POC1B: variants seen among roughly 807,000 people sequenced by gnomAD.
POC1B encodes the protein POC1 centriolar protein B.
In POC1B, 44 loss-of-function variants were observed where a neutral mutation model predicts 60.6. That is an observed-to-expected ratio of 0.73 (90% CI 0.57 to 0.93). The LOEUF is 0.93. POC1B is among the 40% of genes least tolerant of loss of function. POC1B has a pLI of 0.00. For missense variants in POC1B, 555 were observed against 572.3 expected (o/e 0.97, Z 0.31); for synonymous variants, 180 against 198.9 (o/e 0.90, Z 0.80).
intron 10 of POC1B, among the ~76,000 whole-genome samples, chr12:89,443,788 C>A (rs1454349149): frequency 1.3e-5 from 2 of 151,922 alleles, no homozygotes; most frequent in Non-Finnish European, 2.9e-5. Flanking sequence ...ACACAAAAAA[C>A]CCTTCAAAAA....
chr12:89,476,433 G>A (rs139995290), intron 4 of POC1B, among the ~76,000 whole-genome samples: 22 of 152,190 alleles, frequency 1.4e-4, no homozygotes, highest in African/African-American at 4.8e-4. Flanking sequence ...ATAAGGCCAC[G>A]TGTGGTGGCT....
At chr12:89,414,109 T>C in the POC1B span, among the ~76,000 whole-genome samples, 1 of 152,122 alleles carries the variant, frequency 6.6e-6, no homozygotes, top group African/African-American at 2.4e-5. Flanking sequence ...GCCATGCTGG[T>C]CTTGAACTCC....
chr12:89,485,471 C>A (rs1329277186), intron 4 of POC1B: 1 of 152,208 alleles, frequency 6.6e-6, no homozygotes, highest in Non-Finnish European at 1.5e-5. Flanking sequence ...CCAACTTATT[C>A]ATCAAAGAAC....
chr12:89,524,564 C>G (rs762999008), intron 2 of POC1B: 1 of 1,610,200 alleles, frequency 6.2e-7, no homozygotes, highest in Non-Finnish European at 8.5e-7. Flanking sequence ...ATTCTCAGGG[C>G]TGAGGCGCAG....
intron 4 of POC1B, among the ~76,000 whole-genome samples, chr12:89,474,581 TC>T (rs1883034155): frequency 6.6e-6 from 1 of 152,174 alleles, no homozygotes; most frequent in Admixed American, 6.5e-5. Flanking sequence ...ACTGCTTGTC[TC>T]AATTTACAGT....
rs147997290 is a variant in POC1B, at chr12:89,477,768, G to A, written c.453-5493C>T. ...GGTCATCTTTCTGCTTAAAACCTTC[G>A]GTGGTTTCACGTTTCCTTTGGGGAG... On this transcript the variant is annotated intron_variant, in intron 4 of 11. Transcript: ENST00000313546. Among the ~76,000 whole-genome samples, 207 of 152,076 alleles carry A rather than the reference G, an allele frequency of 1.4e-3. 1 individual carries two copies. Among genetic ancestry groups the A allele is most frequent in the African/African-American group, 4.7e-3 (193 of 41,484 alleles).
chr12:89,475,043 A>G (rs1208799490), intron 4 of POC1B, among the ~76,000 whole-genome samples: 1 of 152,200 alleles, frequency 6.6e-6, no homozygotes, highest in Non-Finnish European at 1.5e-5. Flanking sequence ...GAGACTGGCA[A>G]GATCCCTGCC....
chr12:89,465,610 A>C (rs1013713941), intron 9 of POC1B, among the ~76,000 whole-genome samples: 4 of 152,236 alleles, frequency 2.6e-5, no homozygotes, highest in Admixed American at 2.6e-4. Flanking sequence ...AGAAGCAAAA[A>C]ATGGGAAAAC....
At chr12:89,451,712 C>A (rs900571132) in intron 10 of POC1B, among the ~76,000 whole-genome samples, 2 of 152,150 alleles carry the variant, frequency 1.3e-5, no homozygotes, top group Non-Finnish European at 2.9e-5. Flanking sequence ...GCAGGAAGAA[C>A]TGACTGAAAA....
intron 11 of POC1B, among the ~76,000 whole-genome samples, chr12:89,422,459 C>T (rs1565890461): frequency 1.3e-5 from 2 of 152,220 alleles, no homozygotes; most frequent in African/African-American, 2.4e-5. Context: ...TCAGAAACTG[C>T]ACACTCAGGG....
Position 89,525,954 on chromosome 12 carries a change from G to A in POC1B, c.-59C>T, listed in dbSNP as rs753296340. The stretch of plus-strand genomic sequence containing the variant: ...GGGGGAACCCGGAGAGGGGAGGGGA[G>A]AGGATGGGGAAGGAGAGGGGACCGT... On this transcript the variant is annotated 5_prime_UTR_variant, in exon 1 of 12. Coordinates refer to ENST00000313546, the MANE Select transcript of POC1B (RefSeq NM_172240.3). 23 of 1,542,272 alleles carry A rather than the reference G, an allele frequency of 1.5e-5. No homozygotes were observed. The highest frequency in any genetic ancestry group is 2.0e-5 in the Admixed American group (1 of 50,148).
chr12:89,466,127 C>G (rs1882674823), intron 9 of POC1B, among the ~76,000 whole-genome samples: 1 of 152,162 alleles, frequency 6.6e-6, no homozygotes, highest in Non-Finnish European at 1.5e-5. Context: ...AGAGAAACAG[C>G]TGAAGAAGAA....
rs151223259 is a variant in POC1B at position 89,468,596 on chromosome 12, G to A, written c.811-911C>T. On this transcript the variant is annotated intron_variant, in intron 7 of 11. Coordinates refer to ENST00000313546, the MANE Select transcript of POC1B (RefSeq NM_172240.3). Reference sequence around the variant, plus strand: ...CATCTTCATGTAGTGTTTTCCTACTGAAAGACTGTGTTTATCTTTTTTCCC... The same window carrying A: ...CATCTTCATGTAGTGTTTTCCTACTAAAAGACTGTGTTTATCTTTTTTCCC... 3.6e-3 allele frequency among the ~76,000 whole-genome samples: 554 copies of A among 152,192 alleles called. 2 individuals carry two copies. The highest frequency in any genetic ancestry group is 0.02 in the South Asian group (95 of 4,826).
chr12:89,525,837 CA>C, intron 1 of POC1B, 43 bp downstream of exon 1: 1 of 1,404,482 alleles, frequency 7.1e-7, no homozygotes, highest in Non-Finnish European at 9.3e-7. Context: ...GCCCGCGGGA[CA>C]GGCTCCAGGG....
At chr12:89,461,177 G>C (rs1882470019) in intron 9 of POC1B, 1 of 152,042 alleles carries the variant, frequency 6.6e-6, no homozygotes, top group Admixed American at 6.6e-5. Context: ...TTTTAAGACA[G>C]TTTACGAATT....
At chr12:89,508,327 G>A (rs1445221021) in intron 2 of POC1B, among the ~76,000 whole-genome samples, 2 of 152,142 alleles carry the variant, frequency 1.3e-5, no homozygotes, top group African/African-American at 4.8e-5. Context: ...TAAGCTTACA[G>A]AAAAATTACA....
At chr12:89,507,263 T>C (rs1869946285) in intron 2 of POC1B, among the ~76,000 whole-genome samples, 1 of 55,072 alleles carries the variant, frequency 1.8e-5, no homozygotes, top group African/African-American at 6.4e-5. Flanking sequence ...CAAGGCCCTG[T>C]CTCAAAAAAA....
the POC1B span, among the ~76,000 whole-genome samples, chr12:89,405,996 T>G: frequency 1.3e-5 from 2 of 150,760 alleles, no homozygotes; most frequent in Non-Finnish European, 3.0e-5. Context: ...GTGTTTTTTT[T>G]TTTTTTTTGG....
rs61168814 is a variant in POC1B, at chr12:89,486,956, A to T, written c.452+4980T>A. On this transcript the variant is annotated intron_variant, in intron 4 of 11. Coordinates refer to ENST00000313546, the MANE Select transcript of POC1B (RefSeq NM_172240.3). ...ACAGACACACATACACACACTCTCTATAATACTTTCAGGTATGGCTGTATC... is the reference window on the plus strand; with the variant it reads ...ACAGACACACATACACACACTCTCTTTAATACTTTCAGGTATGGCTGTATC... 6.8e-3 allele frequency among the ~76,000 whole-genome samples: 1,027 copies of T among 152,054 alleles called. 12 individuals are homozygous for T. The highest frequency in any genetic ancestry group is 0.024 in the African/African-American group (992 of 41,488).
Sources: allele counts gnomAD v4.1 joint callset (sites outside exome capture counted in the v4.1 genomes callset), GRCh38; gene constraint gnomAD v4.1.1; transcripts MANE v1.5; gene names NCBI Gene and HGNC (gene_info 2026-07-23, HGNC 2026-07-21).